ZNF211: variants seen among roughly 807,000 people sequenced by gnomAD.
ZNF211 encodes zinc finger protein C2H2-25.
In ZNF211, 18 loss-of-function variants were observed where a neutral mutation model predicts 12.1. The ratio of observed to expected loss-of-function variants is 1.48; its 90% CI spans 1.03 to 2.20. ZNF211 has a LOEUF of 2.20. Among genes scored for constraint, ZNF211 ranks in the 30% most tolerant of loss-of-function variants. ZNF211 has a pLI of 0.00. For missense variants in ZNF211, 677 were observed against 703.1 expected (o/e 0.96, Z 0.42); for synonymous variants, 249 against 246.0 (o/e 1.01, Z -0.11).
In ZNF211 at chr19:57,641,834, G is replaced by A; in HGVS notation, c.1387G>A (p.Glu463Lys). The part of the protein sequence containing the change: ...FSSHRKVHTG[E>K]RPYVCGECGK... ...TTCACATCGGAAAGTCCACACAGGG[G>A]AAAGGCCTTATGTGTGTGGGGAATG... The change falls in exon 4 of 4, where the codon GAA (glutamate) becomes AAA (lysine). Residue 463 changes from glutamate (E) to lysine (K), a missense_variant. Transcript: ENST00000240731. 6.2e-7 allele frequency: 1 copy of A among 1,614,050 alleles called. No homozygotes were observed. The highest frequency in any genetic ancestry group is 8.5e-7 in the Non-Finnish European group (1 of 1,180,026).
intron 3 of ZNF211, chr19:57,635,005 G>T (rs563053581): frequency 1.1e-5 from 11 of 977,722 alleles, no homozygotes; most frequent in Non-Finnish European, 1.3e-5. Flanking sequence ...CCTTCTCCCT[G>T]TCTGGTGACT....
chr19:57,634,864 C>A lies in ZNF211; in HGVS notation c.256+109C>A. ...TGGACTATAGGCACTGCCTCCTTCC[C>A]CAGTTCCCTGGGTAGATGTTGTGGA... On this transcript the variant is annotated intron_variant, in intron 3 of 3. Coordinates refer to ENST00000240731, the MANE Select transcript of ZNF211 (RefSeq NM_006385.5). The A allele has an allele frequency of 3.0e-6, 4 of 1,338,240 alleles. No homozygotes were observed. In the South Asian group the frequency reaches 7.3e-5, roughly 24 times the overall value. The allele number at this position is 1,338,240 out of a possible 1,614,324, so 82.9% of individuals were successfully genotyped here.
rs10409262 is a variant in ZNF211, at chr19:57,643,587, G to A, written c.*1406G>A. Among the ~76,000 whole-genome samples the A allele has an allele frequency of 0.18, 27,439 of 152,060 alleles. 2,637 individuals carry two copies. Among genetic ancestry groups the A allele is most frequent in the East Asian group, 0.31 (1,604 of 5,156 alleles). The stretch of plus-strand genomic sequence containing the variant: ...TTCAAATCAGTTTCATTGATTACCA[G>A]TATTTGCTGCCCACTGAGGCAAGGT... On this transcript the variant is annotated 3_prime_UTR_variant, in exon 4 of 4. Coordinates refer to ENST00000240731, the MANE Select transcript of ZNF211 (RefSeq NM_006385.5).
At chr19:57,638,237 T>G (rs1982396124) in intron 3 of ZNF211, among the ~76,000 whole-genome samples, 2 of 141,816 alleles carry the variant, frequency 1.4e-5, no homozygotes, top group South Asian at 4.6e-4. Context: ...AAGAAACACC[T>G]TTTGGTTTTG....
At chr19:57,636,496 T>C (rs1262805019) in intron 3 of ZNF211, among the ~76,000 whole-genome samples, 1 of 152,200 alleles carries the variant, frequency 6.6e-6, no homozygotes, top group Non-Finnish European at 1.5e-5. Context: ...TTTGTCTTCT[T>C]TCTCCTGGTC....
At chr19:57,634,112 TC>T in intron 2 of ZNF211, 51 bp downstream of exon 2, 1 of 1,495,202 alleles carries the variant, frequency 6.7e-7, no homozygotes, top group Non-Finnish European at 9.0e-7. Flanking sequence ...CCCTCCACCC[TC>T]CCCAGACAGA....
Position 57,641,196 on chromosome 19 carries a change from C to G in ZNF211, c.749C>G (p.Ala250Gly). The change falls in exon 4 of 4, where the codon GCC becomes GGC. Residue 250 changes from alanine (A) to glycine (G), a missense_variant. Transcript: ENST00000240731. Reference sequence around the variant, plus strand: ...CACAACTGGGGAAAATGCAGTAAAGCCTTTAGCCACATAGACACACTTGTT... The same window carrying G: ...CACAACTGGGGAAAATGCAGTAAAGGCTTTAGCCACATAGACACACTTGTT... The part of the protein sequence containing the change: ...SHHNWGKCSK[A>G]FSHIDTLVQD... 3 of 1,614,184 alleles carry G rather than the reference C, an allele frequency of 1.9e-6. No homozygotes were observed. The highest frequency in any genetic ancestry group is 2.5e-6 in the Non-Finnish European group (3 of 1,180,030).
chr19:57,637,675 T>C (rs1982314456), intron 3 of ZNF211, among the ~76,000 whole-genome samples: 1 of 152,222 alleles, frequency 6.6e-6, no homozygotes, highest in Non-Finnish European at 1.5e-5. Context: ...GTTTTTGCAT[T>C]AATAATCATC....
At position 57,641,550 on chromosome 19, in the gene ZNF211, A is replaced by G. The variant is rs1161008573; in HGVS notation, c.1103A>G (p.Asn368Ser). 2.5e-6 allele frequency: 4 copies of G among 1,613,756 alleles called. No homozygotes were observed. The highest frequency in any genetic ancestry group is 2.2e-5 in the East Asian group (1 of 44,856). ...GGGAAATCTTTTAGCCAAAGGTCCAACCTCATGCAGCATCGCAGAGTTCAC... is the reference window on the plus strand; with the variant it reads ...GGGAAATCTTTTAGCCAAAGGTCCAGCCTCATGCAGCATCGCAGAGTTCAC... ...ECGKSFSQRS[N>S]LMQHRRVHTG... Residue 368 changes from asparagine (N) to serine (S), a missense_variant, in exon 4 of 4, where the codon AAC becomes AGC. By Grantham distance (46) the Asn-to-Ser change is conservative. Coordinates refer to ENST00000240731, the MANE Select transcript of ZNF211 (RefSeq NM_006385.5).
At chr19:57,633,734 C>T in intron 1 of ZNF211, 1 of 1,533,554 alleles carries the variant, frequency 6.5e-7, no homozygotes, top group Non-Finnish European at 8.7e-7. Context: ...CCATAGAGAG[C>T]TTGCGCAAAC....
rs944854469 is a variant in ZNF211, at chr19:57,635,045, C to T, written c.256+290C>T. On this transcript the variant is annotated intron_variant, in intron 3 of 3. Coordinates refer to ENST00000240731, the MANE Select transcript of ZNF211 (RefSeq NM_006385.5). Reference sequence around the variant, plus strand: ...AGATCTATGGCACCCAGTTTTCCCTCCCTTCGTGTACCTAACATTTATTTG... The same window carrying T: ...AGATCTATGGCACCCAGTTTTCCCTTCCTTCGTGTACCTAACATTTATTTG... 2.0e-5 allele frequency: 16 copies of T among 785,544 alleles called. No individual in the cohort carries two copies. The African/African-American group carries it at 3.0e-4, about 15-fold the overall frequency. 48.7% of individuals were successfully genotyped at this position (785,544 alleles called of 1,614,324 possible). A position where few individuals can be genotyped will look rare whatever the true frequency, so the allele number is the denominator to read the frequency against.
rs1255836649 is a variant in ZNF211 at position 57,642,213 on chromosome 19, G to A, written c.*32G>A. On this transcript the variant is annotated 3_prime_UTR_variant, in exon 4 of 4. Transcript: ENST00000240731. ...TGAGAATATGCAATTTCCTTTTAGT[G>A]TAATTATACTGAAGGAGTACACCTG... 1 of 1,552,718 alleles carries A rather than the reference G, an allele frequency of 6.4e-7. No individual in the cohort carries two copies. The highest frequency in any genetic ancestry group is 8.7e-7 in the Non-Finnish European group (1 of 1,149,546).
In ZNF211 at chr19:57,639,408, C is replaced by CTTTTTTTTTTT; in HGVS notation, c.257-1275_257-1265dup. Among the ~76,000 whole-genome samples the CTTTTTTTTTTT allele has an allele frequency of 1.1e-3, 23 of 20,762 alleles. 3 individuals carry two copies. Among genetic ancestry groups the CTTTTTTTTTTT allele is most frequent in the African/African-American group, 2.5e-3 (12 of 4,752 alleles). The allele number at this position is 20,762 out of a possible 152,430, so 13.6% of individuals were successfully genotyped here. A position where few individuals can be genotyped will look rare whatever the true frequency, so the allele number is the denominator to read the frequency against. The stretch of plus-strand genomic sequence containing the variant: ...CTTCCCTTGTCATTTCCTTTATGTA[C>CTTTTTTTTTTT]TTTTTTTTTTTTTTTTTTTTTTTTT... On this transcript the variant is annotated intron_variant, in intron 3 of 3. Transcript: ENST00000240731.
intron 3 of ZNF211, 171 bp downstream of exon 3, chr19:57,634,926 A>G: frequency 8.1e-6 from 8 of 985,432 alleles, no homozygotes; most frequent in Non-Finnish European, 9.6e-6. Flanking sequence ...GTCCCAGCCC[A>G]AAAGCATCTT....
In ZNF211 at chr19:57,633,908, T is replaced by A. The variant is rs1241510189; in HGVS notation, c.91-115T>A. 3.1e-6 allele frequency: 5 copies of A among 1,609,332 alleles called. No homozygotes were observed. In the African/African-American group the frequency reaches 6.7e-5, roughly 22 times the overall value. ...GCACTAAGGACCGAGGCGCACAGGTTAGACAGTCGACCCAAAGTTACGTGG... is the reference window on the plus strand; with the variant it reads ...GCACTAAGGACCGAGGCGCACAGGTAAGACAGTCGACCCAAAGTTACGTGG... On this transcript the variant is annotated intron_variant, in intron 1 of 3. Coordinates refer to ENST00000240731, the MANE Select transcript of ZNF211 (RefSeq NM_006385.5).
intron 3 of ZNF211, among the ~76,000 whole-genome samples, chr19:57,637,030 C>T (rs1294454183): frequency 6.6e-6 from 1 of 152,098 alleles, no homozygotes; most frequent in African/African-American, 2.4e-5. Context: ...CTGATTTTTG[C>T]ATGTTGTATT....
chr19:57,633,777 C>T, intron 1 of ZNF211: 2 of 1,539,658 alleles, frequency 1.3e-6, no homozygotes, highest in Admixed American at 2.0e-5. Context: ...TTTGAAAAAT[C>T]CTCTGCAGGC....
rs1162740511 is a variant in ZNF211 at position 57,633,196 on chromosome 19, G to C, written c.-151G>C. 1.4e-6 allele frequency: 1 copy of C among 695,012 alleles called. No homozygotes were observed. The highest frequency in any genetic ancestry group is 1.9e-5 in the African/African-American group (1 of 53,300). The allele number at this position is 695,012 out of a possible 1,614,324, so 43.1% of individuals were successfully genotyped here. ...GCGGGACTTGTGGCGTCTTCGCAGC[G>C]GTCATTTTGGCTGCCCTCCCGGAGG... On this transcript the variant is annotated 5_prime_UTR_variant, in exon 1 of 4. Coordinates refer to ENST00000240731, the MANE Select transcript of ZNF211 (RefSeq NM_006385.5).
chr19:57,639,708 G>C (rs1295257616), intron 3 of ZNF211, among the ~76,000 whole-genome samples: 6 of 151,872 alleles, frequency 4.0e-5, no homozygotes, highest in African/African-American at 1.2e-4. Context: ...TTACAGGTGT[G>C]AGCCACCACG....
Sources: allele counts gnomAD v4.1 joint callset (sites outside exome capture counted in the v4.1 genomes callset), GRCh38; gene constraint gnomAD v4.1.1; transcripts MANE v1.5; gene names NCBI Gene and HGNC (gene_info 2026-07-23, HGNC 2026-07-21).